The following DCC variants were observed in gnomAD, a reference collection of about 807,000 sequenced individuals.
The protein encoded by DCC is netrin receptor DCC.
DCC carries 58 observed loss-of-function variants against 172.5 expected under a neutral mutation model. The observed-to-expected ratio is 0.34, with a 90% CI of 0.27 to 0.42. The LOEUF (loss-of-function observed/expected upper bound fraction) is 0.42. DCC is among the 10% of genes least tolerant of loss of function. The pLI is 1.00. For synonymous variants in DCC, 709 were observed against 644.5 expected (o/e 1.10, Z -1.52); for missense variants, 1,740 against 1,791.0 (o/e 0.97, Z 0.51).
At chr18:52,929,817 AACACACACACACAC>A (rs34457182) in intron 5 of DCC, among the ~76,000 whole-genome samples, 3,451 of 144,700 alleles carry the variant, frequency 0.024, 119 homozygotes, top group African/African-American at 0.077. Flanking sequence ...GGACTTTGCA[AACACACACACACAC>A]ACACACACAC....
At chr18:52,952,154 AT>A (rs140990007) in intron 5 of DCC, among the ~76,000 whole-genome samples, 9 of 152,004 alleles carry the variant, frequency 5.9e-5, no homozygotes, top group South Asian at 2.1e-4. Context: ...AATGAAATGC[AT>A]TTTTTTCCCT....
At chr18:52,932,426 T>C (rs978841006) in intron 5 of DCC, among the ~76,000 whole-genome samples, 4 of 152,148 alleles carry the variant, frequency 2.6e-5, no homozygotes, top group African/African-American at 7.2e-5. Context: ...TGATTTGATC[T>C]TTTACAAAGT....
chr18:53,199,064 AT>A (rs1175068079), intron 9 of DCC, among the ~76,000 whole-genome samples: 5 of 146,134 alleles, frequency 3.4e-5, no homozygotes, highest in Admixed American at 7.3e-5. Context: ...ATTGTTAAAA[AT>A]TTTTTTTCTT....
rs187139672 is a variant in DCC, at chr18:53,328,109, G to A, written c.2164+5952G>A. Among the ~76,000 whole-genome samples, 16 of 152,288 alleles carry A rather than the reference G, an allele frequency of 1.1e-4. No homozygotes were observed. In the East Asian group the frequency reaches 2.7e-3, roughly 26 times the overall value. ...CAGTTCCGGTGCAAGTGGTTGTTCA[G>A]AATCTCAAAGTTCCACTGTACAAAG... On this transcript the variant is annotated intron_variant, in intron 14 of 28. Transcript: ENST00000442544.
intron 3 of DCC, among the ~76,000 whole-genome samples, chr18:52,907,871 G>A (rs979377294): frequency 1.3e-5 from 2 of 152,266 alleles, no homozygotes; most frequent in South Asian, 2.1e-4. Context: ...ACAATAGGGT[G>A]TGATTGATAT....
At chr18:52,753,797 G>A (rs1440134116) in intron 2 of DCC, among the ~76,000 whole-genome samples, 6 of 152,152 alleles carry the variant, frequency 3.9e-5, no homozygotes, top group African/African-American at 1.4e-4. Context: ...CTGGTTAGAA[G>A]GCAGCTCATA....
At chr18:53,219,638 G>A (rs1191742584) in intron 12 of DCC, among the ~76,000 whole-genome samples, 1 of 152,030 alleles carries the variant, frequency 6.6e-6, no homozygotes, top group Non-Finnish European at 1.5e-5. Flanking sequence ...CTAAAAGCTG[G>A]TACTCAGTCA....
intron 12 of DCC, among the ~76,000 whole-genome samples, chr18:53,245,709 A>T (rs2144647340): frequency 6.6e-6 from 1 of 152,212 alleles, no homozygotes; most frequent in Admixed American, 6.5e-5. Context: ...TTAATAGCAA[A>T]AGATTTAACA....
chr18:53,496,910 G>A (rs1382842566), intron 26 of DCC, among the ~76,000 whole-genome samples: 3 of 130,380 alleles, frequency 2.3e-5, no homozygotes, highest in Non-Finnish European at 5.1e-5. Context: ...TGCAGAAAAA[G>A]TAGAAAAGGA....
intron 5 of DCC, among the ~76,000 whole-genome samples, chr18:53,035,977 T>A (rs1399402537): frequency 6.6e-6 from 1 of 152,016 alleles, no homozygotes; most frequent in Non-Finnish European, 1.5e-5. Context: ...TGTCACCAAC[T>A]CTACTTATTT....
intron 2 of DCC, among the ~76,000 whole-genome samples, chr18:52,883,318 AT>A (rs34290654): frequency 0.42 from 55,624 of 132,998 alleles, 11,149 homozygotes; most frequent in Middle Eastern, 0.5. Flanking sequence ...TTTTATTTTT[AT>A]TTTATTTTTT....
rs559122046 is a variant in DCC at position 53,098,056 on chromosome 18, G to T, written c.1261+31890G>T. On this transcript the variant is annotated intron_variant, in intron 7 of 28. Transcript: ENST00000442544. ...TACATCAGTACCCTAAAATGCCCCT[G>T]TTCTCTGACTTCCTACAGAGTACAT... 3.3e-4 allele frequency among the ~76,000 whole-genome samples: 50 copies of T among 152,172 alleles called. No homozygotes were observed. In the South Asian group the frequency reaches 0.01, roughly 32 times the overall value.
intron 1 of DCC, among the ~76,000 whole-genome samples, chr18:52,519,834 G>T (rs2031754329): frequency 6.6e-6 from 1 of 152,156 alleles, no homozygotes; most frequent in African/African-American, 2.4e-5. Flanking sequence ...TGGAGATGAA[G>T]AACTTTCAAT....
At chr18:52,459,638 T>G (rs1438022137) in intron 1 of DCC, among the ~76,000 whole-genome samples, 1 of 151,994 alleles carries the variant, frequency 6.6e-6, no homozygotes, top group African/African-American at 2.4e-5. Flanking sequence ...CGGCTAATTT[T>G]TTTGTATTTT....
chr18:52,830,185 GT>G (rs1425768164), intron 2 of DCC, among the ~76,000 whole-genome samples: 1 of 152,212 alleles, frequency 6.6e-6, no homozygotes, highest in Admixed American at 6.5e-5. Context: ...AAGCAAGCTT[GT>G]CCAACTCGCG....
At chr18:53,120,421 A>G (rs1249605607) in intron 7 of DCC, among the ~76,000 whole-genome samples, 1 of 151,836 alleles carries the variant, frequency 6.6e-6, no homozygotes, top group Non-Finnish European at 1.5e-5. Context: ...TGAATAAAAT[A>G]CTATAGCTGT....
chr18:53,268,934 TAG>T (rs909830301), intron 12 of DCC, among the ~76,000 whole-genome samples: 6 of 152,190 alleles, frequency 3.9e-5, no homozygotes, highest in African/African-American at 1.4e-4. Flanking sequence ...TTGCTTTTTA[TAG>T]AGTGTAGTCT....
intron 6 of DCC, among the ~76,000 whole-genome samples, chr18:53,064,338 G>A (rs1050930180): frequency 2.0e-5 from 3 of 152,126 alleles, no homozygotes; most frequent in Non-Finnish European, 4.4e-5. Flanking sequence ...GAATATATGA[G>A]AGCGATGTAA....
At chr18:53,481,191 C>G (rs1241639806) in intron 25 of DCC, 5 of 152,182 alleles carry the variant, frequency 3.3e-5, no homozygotes, top group Non-Finnish European at 7.3e-5. Flanking sequence ...GCTCACCAGA[C>G]CAATCCTGGT....
Sources: allele counts gnomAD v4.1 joint callset (sites outside exome capture counted in the v4.1 genomes callset), GRCh38; gene constraint gnomAD v4.1.1; transcripts MANE v1.5; gene names NCBI Gene and HGNC (gene_info 2026-07-23, HGNC 2026-07-21).